GRB10: variants seen among roughly 807,000 people sequenced by gnomAD.
GRB10 encodes the protein growth factor receptor-bound protein 10.
Under a neutral mutation model 80.9 loss-of-function variants are expected in GRB10, and 20 were observed. The ratio of observed to expected loss-of-function variants is 0.25; its 90% CI spans 0.17 to 0.36. The LOEUF (loss-of-function observed/expected upper bound fraction) is 0.36, where lower values mean the gene tolerates loss of function less well. GRB10 is among the 10% of genes least tolerant of loss of function. The pLI is 1.00. For missense variants in GRB10, 548 were observed against 747.7 expected, an observed-to-expected ratio of 0.73 and a Z score of 3.12; for synonymous variants, 291 against 291.5, an observed-to-expected ratio of 1.00 and a Z score of 0.02.
At chr7:50,740,859 A>G (rs2071601883) in intron 3 of GRB10, among the ~76,000 whole-genome samples, 1 of 152,058 alleles carries the variant, frequency 6.6e-6, no homozygotes, top group South Asian at 2.1e-4. Flanking sequence ...CAAATAGAAA[A>G]GCTTTAAAAA....
At chr7:50,629,691 G>A (rs2053644713) in intron 7 of GRB10, among the ~76,000 whole-genome samples, 1 of 152,236 alleles carries the variant, frequency 6.6e-6, no homozygotes, top group Admixed American at 6.5e-5. Context: ...CAAGAGGTAC[G>A]AGGGCTCCTA....
At chr7:50,633,797 CAGA>C (rs778709320) in intron 7 of GRB10, among the ~76,000 whole-genome samples, 1 of 151,934 alleles carries the variant, frequency 6.6e-6, no homozygotes. Flanking sequence ...GTAGACCAAG[CAGA>C]AGAATTTCAG....
chr7:50,719,883 C>G (rs1206724236), intron 4 of GRB10, among the ~76,000 whole-genome samples: 1 of 151,156 alleles, frequency 6.6e-6, no homozygotes, highest in Non-Finnish European at 1.5e-5. Flanking sequence ...GTCATACTAT[C>G]AAGTGATCAA....
At chr7:50,731,720 A>G (rs187533520) in intron 4 of GRB10, among the ~76,000 whole-genome samples, 101 of 152,372 alleles carry the variant, frequency 6.6e-4, no homozygotes, top group Non-Finnish European at 1.2e-3. Context: ...AAAGTGAAGG[A>G]ACAGAAATGA....
rs1016981639 is a variant in GRB10, at chr7:50,663,212, T to C, written c.504+6510A>G. ...GCTGGGACATTCCAGTGACAGGAAG[T>C]GGGACCCCAGGCAGCCCCCTCCCTG... On this transcript the variant is annotated intron_variant, in intron 7 of 18. Transcript: ENST00000401949. Among the ~76,000 whole-genome samples the C allele has an allele frequency of 4.6e-5, 7 of 152,104 alleles. No homozygotes were observed. The East Asian group carries it at 5.8e-4, about 13-fold the overall frequency.
intron 12 of GRB10, among the ~76,000 whole-genome samples, chr7:50,613,269 G>C (rs1046802517): frequency 6.6e-6 from 1 of 152,134 alleles, no homozygotes; most frequent in Non-Finnish European, 1.5e-5. Flanking sequence ...AGGCCACTGA[G>C]AGGAGGGGCT....
intron 5 of GRB10, among the ~76,000 whole-genome samples, chr7:50,695,573 C>A (rs2063334630): frequency 6.6e-6 from 1 of 152,128 alleles, no homozygotes; most frequent in Non-Finnish European, 1.5e-5. Flanking sequence ...GCTATTTGCT[C>A]CTAGGTAAAT....
rs534782711 is a variant in GRB10, at chr7:50,596,375, C to T, written c.1545-845G>A. Reference sequence around the variant, plus strand: ...CTGAAGATGACACAACATCACTTTTCGGGGGTGCTCCCGCCAAAAATGCAT... The same window carrying T: ...CTGAAGATGACACAACATCACTTTTTGGGGGTGCTCCCGCCAAAAATGCAT... On this transcript the variant is annotated intron_variant, in intron 17 of 18. Coordinates refer to ENST00000401949, the MANE Select transcript of GRB10 (RefSeq NM_001350814.2). Among the ~76,000 whole-genome samples the T allele has an allele frequency of 4.6e-5, 7 of 152,296 alleles. No homozygotes were observed. The East Asian group carries it at 9.7e-4, about 21-fold the overall frequency.
At chr7:50,633,296 A>G (rs1193281513) in intron 7 of GRB10, among the ~76,000 whole-genome samples, 1 of 152,238 alleles carries the variant, frequency 6.6e-6, no homozygotes, top group Non-Finnish European at 1.5e-5. Context: ...CACTAAAGCT[A>G]TCTATAACCA....
chr7:50,617,831 G>A, intron 10 of GRB10: 2 of 584,942 alleles, frequency 3.4e-6, no homozygotes, highest in Non-Finnish European at 6.1e-6. Flanking sequence ...CAGAGCAAGG[G>A]CATCGTGTAA....
chr7:50,741,149 A>T (rs1402182742), intron 3 of GRB10, among the ~76,000 whole-genome samples: 1 of 152,230 alleles, frequency 6.6e-6, no homozygotes, highest in Non-Finnish European at 1.5e-5. Flanking sequence ...AACAAACACT[A>T]TGAGAGTCTC....
intron 7 of GRB10, among the ~76,000 whole-genome samples, chr7:50,654,588 T>C (rs1429317722): frequency 6.6e-6 from 1 of 152,272 alleles, no homozygotes; most frequent in Non-Finnish European, 1.5e-5. Context: ...GGGGTTTTTC[T>C]TTGTTTAGCA....
intron 5 of GRB10, among the ~76,000 whole-genome samples, chr7:50,688,613 T>C (rs2715125): frequency 0.91 from 137,966 of 152,060 alleles, 62,747 homozygotes; most frequent in African/African-American, 0.97. Context: ...ACAGGAAGGA[T>C]GTGAGAAGAC....
chr7:50,704,141 G>A (rs2064676012), intron 4 of GRB10, among the ~76,000 whole-genome samples: 1 of 152,168 alleles, frequency 6.6e-6, no homozygotes, highest in Non-Finnish European at 1.5e-5. Flanking sequence ...TCCTGTGTTT[G>A]GGCTTAAATA....
At chr7:50,641,238 T>A (rs559008612) in intron 7 of GRB10, among the ~76,000 whole-genome samples, 1 of 149,260 alleles carries the variant, frequency 6.7e-6, no homozygotes, top group African/African-American at 2.5e-5. Flanking sequence ...GTTGCTTGCA[T>A]CACTTCTACT....
At chr7:50,655,024 C>A (rs979800206) in intron 7 of GRB10, among the ~76,000 whole-genome samples, 4 of 152,182 alleles carry the variant, frequency 2.6e-5, no homozygotes, top group Non-Finnish European at 5.9e-5. Context: ...ACCCAAGCTG[C>A]GTTTGACTGC....
intron 7 of GRB10, among the ~76,000 whole-genome samples, chr7:50,632,673 G>A (rs371998117): frequency 1.6e-4 from 24 of 152,326 alleles, no homozygotes; most frequent in African/African-American, 5.8e-4. Context: ...AGCCTAGCTG[G>A]TTGGGCCAGT....
upstream of GRB10, among the ~76,000 whole-genome samples, chr7:50,785,937 T>C (rs10259132): frequency 0.093 from 14,151 of 152,218 alleles, 2,197 homozygotes; most frequent in African/African-American, 0.32. Flanking sequence ...GTCAATAATG[T>C]GTCAATAGTC....
chr7:50,737,882 A>G (rs1217769273), intron 3 of GRB10, among the ~76,000 whole-genome samples: 17 of 152,216 alleles, frequency 1.1e-4, no homozygotes, highest in Admixed American at 1.0e-3. Context: ...AACAAAAAAA[A>G]CAGACGAATG....
Sources: allele counts gnomAD v4.1 joint callset (sites outside exome capture counted in the v4.1 genomes callset), GRCh38; gene constraint gnomAD v4.1.1; transcripts MANE v1.5; gene names NCBI Gene and HGNC (gene_info 2026-07-23, HGNC 2026-07-21).